The following XRCC4 variants were observed in gnomAD, a reference collection of about 807,000 sequenced individuals.
The protein encoded by XRCC4 is DNA repair protein XRCC4.
Under a neutral mutation model 39.1 loss-of-function variants are expected in XRCC4, and 28 were observed. The observed-to-expected ratio is 0.72, with a 90% CI of 0.53 to 0.98. The LOEUF is 0.98. Among genes scored for constraint, XRCC4 ranks in the 50% least tolerant of loss-of-function variants. XRCC4 has a pLI of 0.00. For missense variants in XRCC4, 350 were observed against 376.4 expected (o/e 0.93, Z 0.58); for synonymous variants, 123 against 126.4 (o/e 0.97, Z 0.18).
chr5:83,093,014 G>C (rs1339219613), intron 1 of XRCC4, among the ~76,000 whole-genome samples: 2 of 149,322 alleles, frequency 1.3e-5, no homozygotes, highest in Non-Finnish European at 3.0e-5. Flanking sequence ...TAAATGAATG[G>C]ACACACACAC....
Position 83,353,409 on chromosome 5 carries a change from AAAG to A in XRCC4, c.*169_*171del, listed in dbSNP as rs1420977747. ...TGCAAAATGGATTACACATGTATAC[AAAG>A]ATACGATTTGATGATGACACTGGCA... On this transcript the variant is annotated 3_prime_UTR_variant, in exon 8 of 8. Transcript: ENST00000396027. 1.9e-6 allele frequency: 1 copy of A among 515,418 alleles called. No individual in the cohort carries two copies. Among genetic ancestry groups the A allele is most frequent in the African/African-American group, 2.0e-5 (1 of 50,502 alleles). 31.9% of individuals were successfully genotyped at this position (515,418 alleles called of 1,614,324 possible). A position where few individuals can be genotyped will look rare whatever the true frequency, so the allele number is the denominator to read the frequency against.
chr5:83,176,954 T>G lies in XRCC4; in HGVS notation c.316-18816T>G, dbSNP rs910589768. ...GATTCTTGGTACCAGTTAATGAAGT[T>G]GCATCATAATCTATTTTTAGATAAA... On this transcript the variant is annotated intron_variant, in intron 3 of 7. Transcript: ENST00000396027. Among the ~76,000 whole-genome samples the G allele has an allele frequency of 6.6e-5, 10 of 152,258 alleles. No homozygotes were observed. In the East Asian group the frequency reaches 1.7e-3, roughly 26 times the overall value.
chr5:83,181,308 A>G (rs1328448837), intron 3 of XRCC4, among the ~76,000 whole-genome samples: 1 of 152,056 alleles, frequency 6.6e-6, no homozygotes, highest in Admixed American at 6.6e-5. Context: ...AATATTATCA[A>G]CATTAGAGGT....
chr5:83,124,956 C>T (rs931495436), intron 3 of XRCC4, among the ~76,000 whole-genome samples: 1 of 152,064 alleles, frequency 6.6e-6, no homozygotes, highest in African/African-American at 2.4e-5. Flanking sequence ...ATTTTACATT[C>T]TTACCAGAAA....
intron 7 of XRCC4, among the ~76,000 whole-genome samples, chr5:83,345,252 G>T (rs2112214562): frequency 6.6e-6 from 1 of 152,100 alleles, no homozygotes; most frequent in East Asian, 1.9e-4. Flanking sequence ...TTATCTTAAT[G>T]GTTTTCAATT....
chr5:83,369,895 G>A, the XRCC4 span, among the ~76,000 whole-genome samples: 1 of 152,024 alleles, frequency 6.6e-6, no homozygotes, highest in Non-Finnish European at 1.5e-5. Flanking sequence ...CCTTTTCTTT[G>A]TAGCCTTATC....
intron 7 of XRCC4, among the ~76,000 whole-genome samples, chr5:83,322,708 A>T (rs1756118367): frequency 6.6e-6 from 1 of 152,318 alleles, no homozygotes; most frequent in East Asian, 1.9e-4. Context: ...GCAAAGTGAC[A>T]TTGGAGGCAG....
intron 7 of XRCC4, among the ~76,000 whole-genome samples, chr5:83,309,636 C>A (rs888223132): frequency 5.3e-5 from 8 of 150,158 alleles, no homozygotes; most frequent in Admixed American, 5.3e-4. Context: ...TGGTGGCGGG[C>A]GCCTGTAGTC....
At chr5:83,121,656 A>G (rs1312381836) in intron 3 of XRCC4, among the ~76,000 whole-genome samples, 2 of 152,134 alleles carry the variant, frequency 1.3e-5, no homozygotes, top group African/African-American at 2.4e-5. Flanking sequence ...CAGATACACA[A>G]TTTGCAAATA....
intron 3 of XRCC4, among the ~76,000 whole-genome samples, chr5:83,152,828 C>T (rs575765177): frequency 2.0e-5 from 3 of 152,190 alleles, no homozygotes; most frequent in East Asian, 1.9e-4. Context: ...CCCAAATGGT[C>T]GTGCAGTCGA....
chr5:83,361,887 G>T, the XRCC4 span, among the ~76,000 whole-genome samples: 8 of 151,850 alleles, frequency 5.3e-5, no homozygotes, highest in Admixed American at 4.6e-4. Context: ...ATTTCCTATT[G>T]ACAACATATA....
At chr5:83,232,073 C>T (rs761348467) in intron 6 of XRCC4, among the ~76,000 whole-genome samples, 1 of 152,028 alleles carries the variant, frequency 6.6e-6, no homozygotes, top group Non-Finnish European at 1.5e-5. Context: ...TTGTGTCCCT[C>T]GTTATTCTTC....
chr5:83,221,123 A>G (rs898783678), intron 6 of XRCC4, among the ~76,000 whole-genome samples: 1 of 152,152 alleles, frequency 6.6e-6, no homozygotes, highest in African/African-American at 2.4e-5. Context: ...CTGCTGCTGT[A>G]CTAGTATTCT....
intron 7 of XRCC4, among the ~76,000 whole-genome samples, chr5:83,275,326 G>C (rs1005180569): frequency 8.9e-5 from 13 of 146,530 alleles, no homozygotes; most frequent in African/African-American, 2.6e-4. Context: ...ACGGAGTCTC[G>C]CTCTGTCGCC....
At chr5:83,247,950 C>T (rs1021091211) in intron 6 of XRCC4, among the ~76,000 whole-genome samples, 1 of 152,146 alleles carries the variant, frequency 6.6e-6, no homozygotes, top group Non-Finnish European at 1.5e-5. Context: ...TTTACCACTT[C>T]TTTATACTGC....
intron 7 of XRCC4, among the ~76,000 whole-genome samples, chr5:83,347,698 C>T (rs1457245613): frequency 6.6e-6 from 1 of 152,158 alleles, no homozygotes; most frequent in Non-Finnish European, 1.5e-5. Context: ...CCCACATCCC[C>T]TTCTCACATT....
At chr5:83,206,999 C>A (rs1751447012) in intron 6 of XRCC4, among the ~76,000 whole-genome samples, 1 of 152,164 alleles carries the variant, frequency 6.6e-6, no homozygotes, top group African/African-American at 2.4e-5. Flanking sequence ...AATACACACA[C>A]AATCATACTT....
chr5:83,203,521 G>T, intron 4 of XRCC4, 31 bp from the exon 5 acceptor site: 4 of 1,556,822 alleles, frequency 2.6e-6, no homozygotes, highest in South Asian at 2.5e-5. Flanking sequence ...AGAACTGCAT[G>T]ACTAATTTGT....
At chr5:83,280,539 C>T in intron 7 of XRCC4, 2 of 620,290 alleles carry the variant, frequency 3.2e-6, no homozygotes, top group South Asian at 2.1e-5. Context: ...TGACATTCTG[C>T]ACAGGCCCCT....
Sources: gnomAD v4.1 joint callset for allele counts (sites outside exome capture counted in the v4.1 genomes callset) on GRCh38, gnomAD v4.1.1 for gene constraint, MANE v1.5 for transcripts, NCBI Gene and HGNC (gene_info 2026-07-23, HGNC 2026-07-21) for gene names.